The following GCFC2 variants were observed in gnomAD, a reference collection of about 807,000 sequenced individuals.
GCFC2 encodes the protein GC-rich sequence DNA-binding factor 2.
Under a neutral mutation model 99.4 loss-of-function variants are expected in GCFC2, and 102 were observed. The ratio of observed to expected loss-of-function variants is 1.03; its 90% CI spans 0.87 to 1.21. The LOEUF is 1.21. GCFC2 is among the 50% of genes most tolerant of loss of function. The pLI is 0.00. For missense variants in GCFC2, 973 were observed against 920.9 expected (o/e 1.06, Z -0.73); for synonymous variants, 338 against 316.8 (o/e 1.07, Z -0.71).
intron 12 of GCFC2, among the ~76,000 whole-genome samples, chr2:75,676,840 ATCT>A (rs1290668862): frequency 6.6e-6 from 1 of 152,200 alleles, no homozygotes; most frequent in Non-Finnish European, 1.5e-5. Flanking sequence ...ATCTTTTGAA[ATCT>A]TCTTGGATTC....
upstream of GCFC2, among the ~76,000 whole-genome samples, chr2:75,713,045 T>C (rs1049355516): frequency 2.6e-5 from 4 of 152,338 alleles, no homozygotes; most frequent in African/African-American, 9.6e-5. Context: ...GTTTCTCTGA[T>C]TGACCTAGCC....
In GCFC2 at chr2:75,687,833, G is replaced by A; in HGVS notation, c.1684C>T (p.Leu562Phe). 1.9e-6 allele frequency: 3 copies of A among 1,605,190 alleles called. No individual in the cohort carries two copies. The highest frequency in any genetic ancestry group is 2.6e-6 in the Non-Finnish European group (3 of 1,175,950). The change falls in exon 11 of 17, where the codon CTT becomes TTT. Residue 562 changes from leucine (L) to phenylalanine (F), a missense_variant. By Grantham distance (22) the Leu-to-Phe change is conservative. Coordinates refer to ENST00000321027, the MANE Select transcript of GCFC2 (RefSeq NM_003203.5). ...CAAGGTTACGAAGCAGTACCTGTAAGTCGGGGAATAATTGTTTTGTTGATG... is the reference window on the plus strand; with the variant it reads ...CAAGGTTACGAAGCAGTACCTGTAAATCGGGGAATAATTGTTTTGTTGATG... Reference protein sequence around the residue: ...AIINKTIIPRLTDFVEFLWDP... With the variant: ...AIINKTIIPRFTDFVEFLWDP...
Position 75,667,447 on chromosome 2 carries a change from GCT to G in GCFC2, c.2104-1396_2104-1395del, listed in dbSNP as rs548950851. On this transcript the variant is annotated intron_variant, in intron 15 of 16. Coordinates refer to ENST00000321027, the MANE Select transcript of GCFC2 (RefSeq NM_003203.5). ...ATATTAAATAAACGTTCTGGAATGC[GCT>G]CTTTCTAAGATTGGTCAGCATTTAA... 2.6e-5 allele frequency among the ~76,000 whole-genome samples: 4 copies of G among 152,140 alleles called. No individual in the cohort carries two copies. In the South Asian group the frequency reaches 8.3e-4, roughly 32 times the overall value.
At chr2:75,705,302 T>C in intron 2 of GCFC2, among the ~76,000 whole-genome samples, 1 of 152,106 alleles carries the variant, frequency 6.6e-6, no homozygotes, top group East Asian at 1.9e-4. Flanking sequence ...ACAGAGCTAC[T>C]GGTTGTTGTT....
upstream of GCFC2, among the ~76,000 whole-genome samples, chr2:75,712,680 C>T (rs1681237908): frequency 1.3e-5 from 2 of 152,172 alleles, no homozygotes. Context: ...CTGTAACACT[C>T]ACCGTGAAGA....
intron 5 of GCFC2, among the ~76,000 whole-genome samples, chr2:75,695,830 C>A (rs940144617): frequency 6.6e-6 from 1 of 152,144 alleles, no homozygotes; most frequent in African/African-American, 2.4e-5. Context: ...CAAAGAGATG[C>A]TGGACAAAAG....
intron 2 of GCFC2, among the ~76,000 whole-genome samples, chr2:75,704,888 T>C (rs1419143642): frequency 6.6e-6 from 1 of 152,160 alleles, no homozygotes; most frequent in African/African-American, 2.4e-5. Flanking sequence ...TTTGGCCAGG[T>C]TGGTCTCAAA....
chr2:75,703,788 G>A (rs1184223812), intron 2 of GCFC2, among the ~76,000 whole-genome samples: 1 of 152,220 alleles, frequency 6.6e-6, no homozygotes, highest in Non-Finnish European at 1.5e-5. Flanking sequence ...GAGCTGAGCA[G>A]AAGTATGTTT....
chr2:75,676,820 A>G (rs1015469410), intron 12 of GCFC2, among the ~76,000 whole-genome samples: 8 of 152,158 alleles, frequency 5.3e-5, no homozygotes, highest in African/African-American at 1.9e-4. Context: ...GAATCAGTCA[A>G]TTTTCTACAA....
At chr2:75,684,054 A>AT (rs1412791534) in intron 11 of GCFC2, among the ~76,000 whole-genome samples, 1 of 152,176 alleles carries the variant, frequency 6.6e-6, no homozygotes, top group East Asian at 1.9e-4. Flanking sequence ...CCCACTGTCG[A>AT]TAACAGACAG....
intron 4 of GCFC2, among the ~76,000 whole-genome samples, chr2:75,696,560 AT>A (rs755961167): frequency 5.9e-5 from 9 of 152,276 alleles, no homozygotes; most frequent in South Asian, 2.1e-4. Flanking sequence ...TTTGAAGCTA[AT>A]TTTGGTTATG....
chr2:75,698,732 C>G (rs1335804215), intron 4 of GCFC2, among the ~76,000 whole-genome samples: 3 of 152,074 alleles, frequency 2.0e-5, no homozygotes, highest in African/African-American at 2.4e-5. Flanking sequence ...TTCCATATGG[C>G]CAGACACAGT....
At chr2:75,694,183 ATTG>A (rs1680204990) in intron 6 of GCFC2, 55 bp downstream of exon 6, 1 of 470,392 alleles carries the variant, frequency 2.1e-6, no homozygotes, top group Non-Finnish European at 3.8e-6. Flanking sequence ...ACTTTTCTTA[ATTG>A]CACAAGGGGT....
At chr2:75,669,608 C>A (rs1029879276) in intron 15 of GCFC2, among the ~76,000 whole-genome samples, 4 of 152,132 alleles carry the variant, frequency 2.6e-5, no homozygotes, top group Non-Finnish European at 5.9e-5. Flanking sequence ...TTTTTGTAAA[C>A]AGCCAGCCAT....
intron 7 of GCFC2, among the ~76,000 whole-genome samples, chr2:75,691,113 AC>A (rs1184078313): frequency 3.9e-5 from 6 of 152,020 alleles, no homozygotes; most frequent in African/African-American, 1.4e-4. Flanking sequence ...CCTTCTAAGA[AC>A]CCCAGTCGAT....
chr2:75,680,838 G>A (rs1679541505), intron 11 of GCFC2, among the ~76,000 whole-genome samples: 1 of 152,134 alleles, frequency 6.6e-6, no homozygotes, highest in African/African-American at 2.4e-5. Flanking sequence ...GAAGCAATCA[G>A]AAAAGCAGCA....
chr2:75,710,865 C>A lies in GCFC2; in HGVS notation c.-10G>T. The A allele has an allele frequency of 6.5e-7, 1 of 1,541,754 alleles. No individual in the cohort carries two copies. Among genetic ancestry groups the A allele is most frequent in the East Asian group, 2.6e-5 (1 of 38,766 alleles). On this transcript the variant is annotated 5_prime_UTR_variant, in exon 1 of 17. Transcript: ENST00000321027. ...TCGGCCTGTGAGCCATGGCCGAGGCCCGAGCGCCCGGCGCCCTAGAACCCG... is the reference window on the plus strand; with the variant it reads ...TCGGCCTGTGAGCCATGGCCGAGGCACGAGCGCCCGGCGCCCTAGAACCCG...
rs921791425 is a variant in GCFC2, at chr2:75,667,434, C to T, written c.2104-1381G>A. On this transcript the variant is annotated intron_variant, in intron 15 of 16. Transcript: ENST00000321027. ...TATATTATACAGTATATTAAATAAACGTTCTGGAATGCGCTCTTTCTAAGA... is the reference window on the plus strand; with the variant it reads ...TATATTATACAGTATATTAAATAAATGTTCTGGAATGCGCTCTTTCTAAGA... 5.3e-5 allele frequency among the ~76,000 whole-genome samples: 8 copies of T among 152,060 alleles called. No individual in the cohort carries two copies. In the South Asian group the frequency reaches 1.0e-3, roughly 20 times the overall value.
chr2:75,697,544 C>T (rs999019808), intron 4 of GCFC2: 1 of 152,254 alleles, frequency 6.6e-6, no homozygotes, highest in African/African-American at 2.4e-5. Context: ...AGTTCTGTCA[C>T]AGCACCTGTA....
Sources: gnomAD v4.1 joint callset for allele counts (sites outside exome capture counted in the v4.1 genomes callset) on GRCh38, gnomAD v4.1.1 for gene constraint, MANE v1.5 for transcripts, NCBI Gene and HGNC (gene_info 2026-07-23, HGNC 2026-07-21) for gene names.